The following SLC4A10 variants were observed in gnomAD, a reference collection of about 807,000 sequenced individuals.
SLC4A10 encodes solute carrier family 4 member 10, also known as sodium-driven chloride bicarbonate exchanger.
In SLC4A10, 42 loss-of-function variants were observed where a neutral mutation model predicts 137.7. The observed-to-expected ratio is 0.30, with a 90% CI of 0.24 to 0.39. The LOEUF is 0.39. Among genes scored for constraint, SLC4A10 ranks in the 10% least tolerant of loss-of-function variants. The probability of loss-of-function intolerance (pLI) is 1.00; values close to 1 mark genes in which losing one functional copy is unlikely to be tolerated. For missense variants in SLC4A10, 925 were observed against 1,355.0 expected, an observed-to-expected ratio of 0.68 and a Z score of 4.98; for synonymous variants, 474 against 464.1, an observed-to-expected ratio of 1.02 and a Z score of -0.27.
intron 5 of SLC4A10, among the ~76,000 whole-genome samples, chr2:161,858,907 A>G (rs1266263548): frequency 6.6e-6 from 1 of 152,206 alleles, no homozygotes; most frequent in Non-Finnish European, 1.5e-5. Context: ...AGTTGGGAGT[A>G]TAGGAATAAC....
chr2:161,827,458 T>G (rs577281767), intron 3 of SLC4A10, among the ~76,000 whole-genome samples: 49 of 152,342 alleles, frequency 3.2e-4, no homozygotes, highest in African/African-American at 1.1e-3. Context: ...GCATGATTAT[T>G]CTACCTGCTT....
intron 1 of SLC4A10, among the ~76,000 whole-genome samples, chr2:161,649,592 GTTTAT>G (rs2036520496): frequency 6.6e-6 from 1 of 151,630 alleles, no homozygotes; most frequent in South Asian, 2.1e-4. Flanking sequence ...CATTTTCTAG[GTTTAT>G]TTTATTTTTA....
intron 2 of SLC4A10, among the ~76,000 whole-genome samples, chr2:161,774,114 A>T (rs1364476406): frequency 6.6e-6 from 1 of 151,896 alleles, no homozygotes; most frequent in Non-Finnish European, 1.5e-5. Flanking sequence ...GGTGAAGGGT[A>T]TTGAATCTCT....
intron 1 of SLC4A10, among the ~76,000 whole-genome samples, chr2:161,677,464 A>G (rs930459882): frequency 1.3e-5 from 2 of 152,200 alleles, no homozygotes; most frequent in Admixed American, 6.6e-5. Flanking sequence ...CCAGAAAACT[A>G]TTACACATAT....
chr2:161,885,582 T>C (rs1429703762), intron 10 of SLC4A10, among the ~76,000 whole-genome samples: 1 of 152,220 alleles, frequency 6.6e-6, no homozygotes, highest in Non-Finnish European at 1.5e-5. Flanking sequence ...CAATATTCTA[T>C]CTTGAATCAA....
chr2:161,749,458 T>C (rs1160567657), intron 1 of SLC4A10, among the ~76,000 whole-genome samples: 1 of 152,002 alleles, frequency 6.6e-6, no homozygotes, highest in Admixed American at 6.6e-5. Context: ...AGAGTTTTTA[T>C]CATAAAAAGG....
intron 10 of SLC4A10, among the ~76,000 whole-genome samples, chr2:161,883,571 G>T (rs1183859327): frequency 1.3e-5 from 2 of 152,118 alleles, no homozygotes; most frequent in Non-Finnish European, 2.9e-5. Context: ...ACTACAAATT[G>T]GGTGGTTTAA....
intron 3 of SLC4A10, among the ~76,000 whole-genome samples, chr2:161,822,312 T>G (rs1317159340): frequency 2.6e-5 from 4 of 152,178 alleles, no homozygotes; most frequent in African/African-American, 7.2e-5. Context: ...TTCAGAGACA[T>G]GGGGACCCTA....
intron 15 of SLC4A10, among the ~76,000 whole-genome samples, chr2:161,907,055 CA>C (rs556899761): frequency 0.019 from 1,712 of 90,434 alleles, no homozygotes; most frequent in Non-Finnish European, 0.03. Context: ...GACTCCGTCT[CA>C]AAAAAAAAAA....
intron 1 of SLC4A10, among the ~76,000 whole-genome samples, chr2:161,765,354 C>T (rs1295325948): frequency 2.6e-5 from 4 of 152,106 alleles, no homozygotes; most frequent in African/African-American, 9.7e-5. Context: ...CGCCTGTAAT[C>T]TTAGCACTTT....
intron 2 of SLC4A10, among the ~76,000 whole-genome samples, chr2:161,796,919 T>C (rs951875722): frequency 2.6e-5 from 4 of 152,142 alleles, no homozygotes; most frequent in Admixed American, 6.6e-5. Flanking sequence ...AATTTTAGTT[T>C]TACATTTTTT....
At chr2:161,862,780 G>A in intron 5 of SLC4A10, 94 bp from the exon 6 acceptor site, 1 of 935,136 alleles carries the variant, frequency 1.1e-6, no homozygotes, top group South Asian at 3.9e-5. Flanking sequence ...GAATAATATT[G>A]TTTAGGGCTT....
At chr2:161,940,085 G>A (rs749271757) in intron 15 of SLC4A10, among the ~76,000 whole-genome samples, 1 of 152,042 alleles carries the variant, frequency 6.6e-6, no homozygotes, top group Non-Finnish European at 1.5e-5. Context: ...TTTTCTTAAG[G>A]GTATACAGCA....
chr2:161,701,026 C>T (rs2043070581), intron 1 of SLC4A10, among the ~76,000 whole-genome samples: 1 of 152,034 alleles, frequency 6.6e-6, no homozygotes, highest in Admixed American at 6.6e-5. Context: ...ACGCAGTGCG[C>T]TACCTGCTTC....
chr2:161,677,345 A>G (rs1411319714), intron 1 of SLC4A10, among the ~76,000 whole-genome samples: 1 of 152,092 alleles, frequency 6.6e-6, no homozygotes, highest in East Asian at 1.9e-4. Context: ...AGCCGAATAA[A>G]CCTGTTTTCT....
At position 161,836,589 on chromosome 2, in the gene SLC4A10, AAAGAAAGAAAGGAAGG is replaced by A. The variant is rs1403403299; in HGVS notation, c.278-3196_278-3181del. Among the ~76,000 whole-genome samples the A allele has an allele frequency of 1.6e-3, 113 of 70,292 alleles. 7 individuals are homozygous for A. The highest frequency in any genetic ancestry group is 3.3e-3 in the East Asian group (7 of 2,096). The allele number at this position is 70,292 out of a possible 152,430, so 46.1% of individuals were successfully genotyped here. ...GAAAGAAAGAAAGAAAGAAAGAAAG[AAAGAAAGAAAGGAAGG>A]AAGGAAAGAAATGAAAGAAAAGAAA... On this transcript the variant is annotated intron_variant, in intron 3 of 26. Transcript: ENST00000446997.
chr2:161,947,868 G>A, intron 17 of SLC4A10, 141 bp downstream of exon 17: 1 of 935,302 alleles, frequency 1.1e-6, no homozygotes, highest in Non-Finnish European at 1.6e-6. Context: ...AGGGGCTGAA[G>A]AGAAAGAATT....
chr2:161,979,888 A>C (rs543082694), intron 26 of SLC4A10, among the ~76,000 whole-genome samples: 1 of 152,324 alleles, frequency 6.6e-6, no homozygotes, highest in South Asian at 2.1e-4. Flanking sequence ...TTGAATAGAA[A>C]TTATATTTTC....
intron 24 of SLC4A10, among the ~76,000 whole-genome samples, chr2:161,974,924 ATAGTT>A (rs1699145962): frequency 1.3e-5 from 2 of 152,166 alleles, no homozygotes; most frequent in Non-Finnish European, 2.9e-5. Context: ...CCCTCTCAAT[ATAGTT>A]TAGTTTAAAC....
Sources: gnomAD v4.1 joint callset for allele counts (sites outside exome capture counted in the v4.1 genomes callset) on GRCh38, gnomAD v4.1.1 for gene constraint, MANE v1.5 for transcripts, NCBI Gene and HGNC (gene_info 2026-07-23, HGNC 2026-07-21) for gene names.